The following CCSER1 variants were observed in gnomAD, a reference collection of about 807,000 sequenced individuals.
The protein encoded by CCSER1 is serine-rich coiled-coil domain-containing protein 1.
Under a neutral mutation model 82.0 loss-of-function variants are expected in CCSER1, and 41 were observed. The ratio of observed to expected loss-of-function variants is 0.50; its 90% CI spans 0.39 to 0.65. The LOEUF is 0.65. CCSER1 is among the 30% of genes least tolerant of loss of function. The pLI is 0.00. For synonymous variants in CCSER1, 414 were observed against 383.9 expected (o/e 1.08, Z -0.92); for missense variants, 1,119 against 1,064.2 (o/e 1.05, Z -0.72).
At chr4:90,780,285 T>TA (rs1352460504) in intron 7 of CCSER1, among the ~76,000 whole-genome samples, 3 of 152,180 alleles carry the variant, frequency 2.0e-5, no homozygotes, top group Non-Finnish European at 4.4e-5. Context: ...ACCAGAATCC[T>TA]AAAAAAGTAA....
chr4:91,296,467 G>GA (rs1744178148), intron 10 of CCSER1, among the ~76,000 whole-genome samples: 1 of 62,392 alleles, frequency 1.6e-5, no homozygotes, highest in African/African-American at 5.3e-5. Flanking sequence ...ATATATATAT[G>GA]TATATATATA....
Position 90,501,302 on chromosome 4 carries a change from G to A in CCSER1, c.1724+32948G>A, listed in dbSNP as rs1010617172. Among the ~76,000 whole-genome samples the A allele has an allele frequency of 9.2e-5, 14 of 152,098 alleles. No homozygotes were observed. In the East Asian group the frequency reaches 1.7e-3, roughly 19 times the overall value. Reference sequence around the variant, plus strand: ...CTAATTATTGCATACTTAAATTTCCGGTCTTTAAAGTGACAAAAATTCTAG... The same window carrying A: ...CTAATTATTGCATACTTAAATTTCCAGTCTTTAAAGTGACAAAAATTCTAG... On this transcript the variant is annotated intron_variant, in intron 5 of 10. Transcript: ENST00000509176.
intron 4 of CCSER1, among the ~76,000 whole-genome samples, chr4:90,453,528 C>T (rs746448925): frequency 8.5e-5 from 13 of 152,212 alleles, no homozygotes; most frequent in South Asian, 2.1e-4. Flanking sequence ...TAAAGTGGAC[C>T]GAGACCAGTG....
chr4:90,430,954 A>G (rs1362985715), intron 4 of CCSER1, among the ~76,000 whole-genome samples: 1 of 151,966 alleles, frequency 6.6e-6, no homozygotes, highest in African/African-American at 2.4e-5. Flanking sequence ...TGAAGAACAG[A>G]ACCCTTTGAG....
chr4:90,780,360 T>C (rs1753603882), intron 7 of CCSER1: 1 of 1,383,248 alleles, frequency 7.2e-7, no homozygotes, highest in East Asian at 2.4e-5. Flanking sequence ...TTAAGTTTCA[T>C]TGATGATCCC....
At chr4:90,535,615 G>A (rs1775219315) in intron 5 of CCSER1, among the ~76,000 whole-genome samples, 1 of 152,078 alleles carries the variant, frequency 6.6e-6, no homozygotes, top group Admixed American at 6.5e-5. Flanking sequence ...ACCTACACTG[G>A]CTCATAGCTA....
At chr4:90,500,951 A>C (rs1416840661) in intron 5 of CCSER1, among the ~76,000 whole-genome samples, 1 of 152,020 alleles carries the variant, frequency 6.6e-6, no homozygotes, top group African/African-American at 2.4e-5. Context: ...ACAAACAAAA[A>C]ATAAGATTGT....
chr4:90,917,685 T>A (rs1727704989), intron 8 of CCSER1, among the ~76,000 whole-genome samples: 1 of 151,818 alleles, frequency 6.6e-6, no homozygotes, highest in Non-Finnish European at 1.5e-5. Flanking sequence ...ATCAAAAAAA[T>A]TACATCAGGA....
intron 10 of CCSER1, among the ~76,000 whole-genome samples, chr4:91,113,065 C>T (rs1045061865): frequency 2.0e-5 from 3 of 152,296 alleles, no homozygotes; most frequent in South Asian, 4.1e-4. Flanking sequence ...GTTATAGCTG[C>T]GGCTATAGAA....
chr4:90,697,314 T>C (rs562292764), intron 6 of CCSER1, among the ~76,000 whole-genome samples: 2 of 152,294 alleles, frequency 1.3e-5, no homozygotes, highest in Non-Finnish European at 2.9e-5. Context: ...CGCAAGATTG[T>C]AAAGTTCAAG....
intron 7 of CCSER1, among the ~76,000 whole-genome samples, chr4:90,796,546 GA>G (rs1426751566): frequency 2.6e-5 from 4 of 151,538 alleles, no homozygotes; most frequent in Admixed American, 6.6e-5. Context: ...GTTTCCTCTT[GA>G]TTTTCTACTT....
rs1253233415 is a variant in CCSER1, at chr4:91,522,327, GTTCTTTT to G, written c.2218-76243_2218-76237del. Reference sequence around the variant, plus strand: ...TCAGGTAGCGTGATGCCTCAGCTTTGTTCTTTTTGCTTAGGATTGTCTTGGCTATGTG... The same window carrying G: ...TCAGGTAGCGTGATGCCTCAGCTTTGTGCTTAGGATTGTCTTGGCTATGTG... On this transcript the variant is annotated intron_variant, in intron 10 of 10. Coordinates refer to ENST00000509176, the MANE Select transcript of CCSER1 (RefSeq NM_001145065.2). Among the ~76,000 whole-genome samples, 4 of 152,218 alleles carry G rather than the reference GTTCTTTT, an allele frequency of 2.6e-5. No homozygotes were observed. In the East Asian group the frequency reaches 5.8e-4, roughly 22 times the overall value.
chr4:91,546,972 CTTTTT>C (rs70937013), intron 10 of CCSER1, among the ~76,000 whole-genome samples: 1 of 133,460 alleles, frequency 7.5e-6, no homozygotes, highest in South Asian at 2.3e-4. Flanking sequence ...CTTGAGTTTT[CTTTTT>C]TTTTTTTTTT....
chr4:91,153,359 A>G (rs1453723715), intron 10 of CCSER1, among the ~76,000 whole-genome samples: 1 of 151,874 alleles, frequency 6.6e-6, no homozygotes, highest in Non-Finnish European at 1.5e-5. Flanking sequence ...TTTCAGCTCC[A>G]TCAGGTCATT....
chr4:90,583,580 CT>C (rs1382947763), intron 5 of CCSER1, among the ~76,000 whole-genome samples: 1 of 151,980 alleles, frequency 6.6e-6, no homozygotes, highest in African/African-American at 2.4e-5. Flanking sequence ...GCCAAACATG[CT>C]AAAATGTTAA....
chr4:91,413,035 A>C (rs2149374340), intron 10 of CCSER1, among the ~76,000 whole-genome samples: 1 of 152,254 alleles, frequency 6.6e-6, no homozygotes, highest in South Asian at 2.1e-4. Flanking sequence ...TAGAAGCCAT[A>C]AAAAAAGAAA....
At chr4:90,422,465 T>A (rs1020163996) in intron 4 of CCSER1, among the ~76,000 whole-genome samples, 4 of 152,012 alleles carry the variant, frequency 2.6e-5, no homozygotes, top group African/African-American at 9.7e-5. Context: ...CATGGTGGCA[T>A]GCACCTGTAG....
intron 10 of CCSER1, among the ~76,000 whole-genome samples, chr4:91,344,435 T>C (rs1371963921): frequency 6.6e-6 from 1 of 152,230 alleles, no homozygotes; most frequent in African/African-American, 2.4e-5. Flanking sequence ...TAATAATGAT[T>C]TCTTCCAATT....
rs563188028 is a variant in CCSER1, at chr4:91,277,105, T to G, written c.2217+191111T>G. On this transcript the variant is annotated intron_variant, in intron 10 of 10. Coordinates refer to ENST00000509176, the MANE Select transcript of CCSER1 (RefSeq NM_001145065.2). Reference sequence around the variant, plus strand: ...TCTATGTTTATCAGGGATATTGGACTGTAGTTTTCTTGTTGCACTTTTTTC... The same window carrying G: ...TCTATGTTTATCAGGGATATTGGACGGTAGTTTTCTTGTTGCACTTTTTTC... Among the ~76,000 whole-genome samples, 607 of 152,246 alleles carry G rather than the reference T, an allele frequency of 4.0e-3. 2 individuals are homozygous for G. Among genetic ancestry groups the G allele is most frequent in the African/African-American group, 0.014 (571 of 41,586 alleles).
Sources: allele counts gnomAD v4.1 joint callset (sites outside exome capture counted in the v4.1 genomes callset), GRCh38; gene constraint gnomAD v4.1.1; transcripts MANE v1.5; gene names NCBI Gene and HGNC (gene_info 2026-07-23, HGNC 2026-07-21).